The following GPHN variants were observed in gnomAD, a reference collection of about 807,000 sequenced individuals.
GPHN encodes the protein gephyrin.
Under a neutral mutation model 95.5 loss-of-function variants are expected in GPHN, and 17 were observed. That is an observed-to-expected ratio of 0.18 (90% CI 0.12 to 0.27). The LOEUF (loss-of-function observed/expected upper bound fraction) is 0.27, where lower values mean the gene tolerates loss of function less well. Among genes scored for constraint, GPHN ranks in the 10% least tolerant of loss-of-function variants. The pLI, the probability that GPHN is intolerant of heterozygous loss-of-function variation, is 1.00. For missense variants in GPHN, 660 were observed against 978.1 expected, an observed-to-expected ratio of 0.67 and a Z score of 4.34; for synonymous variants, 320 against 322.5, an observed-to-expected ratio of 0.99 and a Z score of 0.08.
At chr14:67,343,008 T>C in the GPHN span, among the ~76,000 whole-genome samples, 1 of 152,208 alleles carries the variant, frequency 6.6e-6, no homozygotes, top group African/African-American at 2.4e-5. Flanking sequence ...AAATATTTAA[T>C]GTACTCAAAA....
chr14:66,616,981 C>T (rs1340479962), intron 1 of GPHN, among the ~76,000 whole-genome samples: 1 of 152,214 alleles, frequency 6.6e-6, no homozygotes, highest in Non-Finnish European at 1.5e-5. Flanking sequence ...GCTGGGATTA[C>T]AGGCGTGAGC....
At chr14:67,722,698 CTCCA>C in the GPHN span, 12 of 1,613,522 alleles carry the variant, frequency 7.4e-6, no homozygotes, top group Non-Finnish European at 1.0e-5. Flanking sequence ...TATATGGTAG[CTCCA>C]TCCATCAGGT....
chr14:67,702,513 G>A, the GPHN span, among the ~76,000 whole-genome samples: 2 of 152,060 alleles, frequency 1.3e-5, no homozygotes, highest in Admixed American at 1.3e-4. Flanking sequence ...TCCTGACCCT[G>A]TAAAATATTT....
the GPHN span, among the ~76,000 whole-genome samples, chr14:67,359,480 C>T: frequency 6.6e-6 from 1 of 152,122 alleles, no homozygotes; most frequent in Admixed American, 6.5e-5. Flanking sequence ...CTGATTCACT[C>T]AGGAGGAATG....
At chr14:67,408,481 G>C in the GPHN span, among the ~76,000 whole-genome samples, 1 of 152,118 alleles carries the variant, frequency 6.6e-6, no homozygotes, top group Non-Finnish European at 1.5e-5. Context: ...TAGGGTCTTT[G>C]CAGATGTAAT....
chr14:67,577,088 C>T, the GPHN span, among the ~76,000 whole-genome samples: 1 of 152,216 alleles, frequency 6.6e-6, no homozygotes, highest in Non-Finnish European at 1.5e-5. Context: ...ACCCCTACTG[C>T]CATTCCACGA....
chr14:67,252,978 A>C, the GPHN span, among the ~76,000 whole-genome samples: 2 of 152,220 alleles, frequency 1.3e-5, no homozygotes, highest in East Asian at 3.8e-4. Flanking sequence ...CATAACCATA[A>C]ATGTATTAAT....
At chr14:67,268,203 C>T in the GPHN span, among the ~76,000 whole-genome samples, 1 of 152,208 alleles carries the variant, frequency 6.6e-6, no homozygotes, top group Non-Finnish European at 1.5e-5. Flanking sequence ...CCCCTTCCTT[C>T]ACATTCTCTC....
chr14:67,063,314 A>G (rs986853050), intron 11 of GPHN, among the ~76,000 whole-genome samples: 2 of 152,170 alleles, frequency 1.3e-5, no homozygotes, highest in Non-Finnish European at 2.9e-5. Context: ...TACTAGTACC[A>G]TGCTGTTTTG....
chr14:67,407,544 G>A, the GPHN span, among the ~76,000 whole-genome samples: 99 of 151,850 alleles, frequency 6.5e-4, no homozygotes, highest in African/African-American at 2.3e-3. Flanking sequence ...GGGCTCAAGC[G>A]ATTCTCCCAT....
chr14:66,922,417 AG>A (rs2066271396), intron 6 of GPHN, among the ~76,000 whole-genome samples: 2 of 152,132 alleles, frequency 1.3e-5, no homozygotes, highest in African/African-American at 4.8e-5. Flanking sequence ...CAATTAAAAG[AG>A]TGGTCATTTT....
chr14:66,828,201 G>A (rs1022754695), intron 4 of GPHN, among the ~76,000 whole-genome samples: 6 of 151,676 alleles, frequency 4.0e-5, no homozygotes, highest in Admixed American at 1.3e-4. Context: ...GCAGTCGTGG[G>A]CTATTAAATA....
intron 8 of GPHN, among the ~76,000 whole-genome samples, chr14:66,925,760 T>G (rs975822642): frequency 4.6e-4 from 70 of 152,218 alleles, no homozygotes; most frequent in Non-Finnish European, 1.0e-4. Context: ...CTTTTGGATA[T>G]ACACCTAGTA....
Position 66,665,974 on chromosome 14 carries a change from C to T in GPHN, c.65-15133C>T, listed in dbSNP as rs535772543. Among the ~76,000 whole-genome samples, 28 of 152,100 alleles carry T rather than the reference C, an allele frequency of 1.8e-4. No individual in the cohort carries two copies. In the East Asian group the frequency reaches 5.4e-3, roughly 29 times the overall value. ...TAGGGGCATGGATGAAGCTGGAAAC[C>T]ATCATTCTCAGTAAACTATCGCAAG... is the stretch of plus-strand genomic sequence containing the variant. On this transcript the variant is annotated intron_variant, in intron 1 of 22. Coordinates refer to ENST00000478722, the MANE Select transcript of GPHN (RefSeq NM_020806.5).
intron 1 of GPHN, among the ~76,000 whole-genome samples, chr14:66,604,940 C>A (rs2062446857): frequency 6.9e-6 from 1 of 145,380 alleles, no homozygotes; most frequent in Non-Finnish European, 1.5e-5. Flanking sequence ...GTCACGCTTA[C>A]AAGTGAGAAC....
the GPHN span, chr14:67,646,569 C>A: frequency 8.3e-7 from 1 of 1,203,158 alleles, no homozygotes; most frequent in Non-Finnish European, 1.2e-6. Context: ...ATTGCATACC[C>A]ACGGACGCAC....
At chr14:67,576,032 G>T in the GPHN span, 1 of 1,548,876 alleles carries the variant, frequency 6.5e-7, no homozygotes, top group Non-Finnish European at 8.8e-7. The surrounding 1 kb of genome is among the most constrained non-coding windows in gnomAD (Gnocchi z 4.0). Flanking sequence ...GGCCTCCAGG[G>T]CCAAGCTTGG....
the GPHN span, among the ~76,000 whole-genome samples, chr14:67,319,610 TAAAAA>T: frequency 4.7e-5 from 6 of 128,608 alleles, no homozygotes; most frequent in African/African-American, 1.6e-4. Context: ...GCTGATGAGC[TAAAAA>T]AAAAAAAAAA....
At chr14:66,952,911 G>T (rs2068203909) in intron 8 of GPHN, among the ~76,000 whole-genome samples, 2 of 151,932 alleles carry the variant, frequency 1.3e-5, no homozygotes, top group South Asian at 4.2e-4. Context: ...TGCCAGGCCG[G>T]TCTCAAACTC....
Sources: allele counts gnomAD v4.1 joint callset (sites outside exome capture counted in the v4.1 genomes callset), GRCh38; gene constraint gnomAD v4.1.1; non-coding constraint Gnocchi (gnomAD v3.1); transcripts MANE v1.5; gene names NCBI Gene and HGNC (gene_info 2026-07-23, HGNC 2026-07-21).